FRMD5: variants seen among roughly 807,000 people sequenced by gnomAD.
The protein encoded by FRMD5 is FERM domain-containing protein 5.
In FRMD5, 20 loss-of-function variants were observed where a neutral mutation model predicts 69.0. The observed-to-expected ratio is 0.29, with a 90% CI of 0.20 to 0.42. The LOEUF is 0.42. FRMD5 is among the 10% of genes least tolerant of loss of function. The probability of loss-of-function intolerance (pLI) is 1.00; values close to 1 mark genes in which losing one functional copy is unlikely to be tolerated. For synonymous variants in FRMD5, 271 were observed against 260.1 expected, an observed-to-expected ratio of 1.04 and a Z score of -0.40; for missense variants, 595 against 708.6, an observed-to-expected ratio of 0.84 and a Z score of 1.82.
At chr15:43,977,538 G>A (rs1341236538) in intron 1 of FRMD5, among the ~76,000 whole-genome samples, 1 of 152,082 alleles carries the variant, frequency 6.6e-6, no homozygotes, top group East Asian at 1.9e-4. Flanking sequence ...GGTGGTCTGA[G>A]CAACTGAGGT....
chr15:44,188,759 G>C lies in FRMD5; in HGVS notation c.102+6194C>G, dbSNP rs117853102. 1.3e-3 allele frequency among the ~76,000 whole-genome samples: 205 copies of C among 152,184 alleles called. 2 individuals carry two copies. In the East Asian group the frequency reaches 0.016, roughly 12 times the overall value. On this transcript the variant is annotated intron_variant, in intron 1 of 13. Transcript: ENST00000417257. ...GTAAAATGACTCAAATGAGGCATAA[G>C]AATAGCTAGATTTGGTCCTGATTTT...
chr15:43,950,424 A>C (rs1014062728), intron 1 of FRMD5, among the ~76,000 whole-genome samples: 2 of 152,216 alleles, frequency 1.3e-5, no homozygotes, highest in Non-Finnish European at 2.9e-5. Flanking sequence ...CCATGCTTAA[A>C]CTACGATAGA....
intron 1 of FRMD5, among the ~76,000 whole-genome samples, chr15:44,098,558 C>T (rs1418026963): frequency 6.7e-6 from 1 of 149,008 alleles, no homozygotes; most frequent in African/African-American, 2.4e-5. Flanking sequence ...GAGACATAAG[C>T]AGAAAAGCAA....
At chr15:43,877,620 C>T (rs1192051503) in intron 13 of FRMD5, among the ~76,000 whole-genome samples, 2 of 152,252 alleles carry the variant, frequency 1.3e-5, no homozygotes, top group Admixed American at 6.5e-5. Context: ...TAGTTACGCT[C>T]CCCATTGCGT....
At chr15:44,195,832 C>T (rs1271358622), upstream of FRMD5, among the ~76,000 whole-genome samples, 2 of 152,232 alleles carry the variant, frequency 1.3e-5, no homozygotes, top group Non-Finnish European at 2.9e-5. Context: ...GCTAAAGGGA[C>T]CTCAGAGGTT....
chr15:44,136,740 T>G (rs1256577933), intron 1 of FRMD5, among the ~76,000 whole-genome samples: 1 of 152,194 alleles, frequency 6.6e-6, no homozygotes, highest in Non-Finnish European at 1.5e-5. Context: ...AGTTTTGCAA[T>G]GTTATGGTTG....
At chr15:44,028,311 T>C (rs1048653243) in intron 1 of FRMD5, among the ~76,000 whole-genome samples, 1 of 152,202 alleles carries the variant, frequency 6.6e-6, no homozygotes, top group Non-Finnish European at 1.5e-5. Flanking sequence ...GGATATAATG[T>C]AGGAAAAAGT....
intron 1 of FRMD5, among the ~76,000 whole-genome samples, chr15:44,016,182 T>G (rs1890948436): frequency 6.6e-6 from 1 of 152,162 alleles, no homozygotes; most frequent in Non-Finnish European, 1.5e-5. Context: ...AAACCCAGAA[T>G]GCTGACAAAA....
intron 8 of FRMD5, 63 bp from the exon 9 acceptor site, chr15:43,888,935 G>A (rs945090296): frequency 7.7e-6 from 11 of 1,430,920 alleles, no homozygotes; most frequent in Admixed American, 1.7e-5. Flanking sequence ...GCTAAATCTT[G>A]TAGATGCACA....
At chr15:44,182,681 T>C (rs1346191463) in intron 1 of FRMD5, among the ~76,000 whole-genome samples, 1 of 152,168 alleles carries the variant, frequency 6.6e-6, no homozygotes, top group Non-Finnish European at 1.5e-5. Flanking sequence ...TTCATACACA[T>C]CTACAATCAA....
At chr15:44,013,554 T>C (rs1047217621) in intron 1 of FRMD5, among the ~76,000 whole-genome samples, 6 of 152,216 alleles carry the variant, frequency 3.9e-5, no homozygotes, top group Non-Finnish European at 7.3e-5. Flanking sequence ...AGTCAACGAA[T>C]AAAGTGTAGG....
intron 1 of FRMD5, among the ~76,000 whole-genome samples, chr15:44,004,080 T>A (rs1486838739): frequency 6.6e-6 from 1 of 152,264 alleles, no homozygotes; most frequent in Non-Finnish European, 1.5e-5. Flanking sequence ...TGTAAAACAA[T>A]TTGATTTTTA....
At chr15:44,009,972 T>C (rs913985355) in intron 1 of FRMD5, among the ~76,000 whole-genome samples, 1 of 152,204 alleles carries the variant, frequency 6.6e-6, no homozygotes, top group Non-Finnish European at 1.5e-5. Flanking sequence ...CTGAGTATAT[T>C]AGACAGAGCA....
chr15:44,168,510 T>A (rs2077746974), intron 1 of FRMD5, among the ~76,000 whole-genome samples: 1 of 152,246 alleles, frequency 6.6e-6, no homozygotes, highest in African/African-American at 2.4e-5. Flanking sequence ...TAGCCAATTT[T>A]ATTTTGGGTG....
intron 1 of FRMD5, among the ~76,000 whole-genome samples, chr15:43,993,800 C>T (rs190478480): frequency 2.7e-4 from 41 of 152,284 alleles, no homozygotes; most frequent in Admixed American, 1.4e-3. Flanking sequence ...GTTATAGTCT[C>T]TTGATGAACT....
chr15:43,870,903 G>A lies in FRMD5; in HGVS notation c.*2982C>T, dbSNP rs2088144593. 6.6e-6 allele frequency: 1 copy of A among 152,132 alleles called. No individual in the cohort carries two copies. The allele number at this position is 152,132 out of a possible 1,614,324, so 9.4% of individuals were successfully genotyped here. A position where few individuals can be genotyped will look rare whatever the true frequency, so the allele number is the denominator to read the frequency against. ...CTTAAGAGTTTTTGGCACACAGAAG[G>A]TTAACAACTATATATTTTTAAATGT... On this transcript the variant is annotated 3_prime_UTR_variant, in exon 14 of 14. Coordinates refer to ENST00000417257, the MANE Select transcript of FRMD5 (RefSeq NM_032892.5).
intron 1 of FRMD5, among the ~76,000 whole-genome samples, chr15:44,145,108 A>G (rs1225704220): frequency 6.6e-6 from 1 of 152,174 alleles, no homozygotes; most frequent in Non-Finnish European, 1.5e-5. Flanking sequence ...ACAGCAGCCT[A>G]TTTCTCTGTT....
chr15:43,994,463 C>G (rs1889829545), intron 1 of FRMD5, among the ~76,000 whole-genome samples: 2 of 151,972 alleles, frequency 1.3e-5, no homozygotes, highest in African/African-American at 2.4e-5. Context: ...TTTTACTTTT[C>G]TGAGAGAAGG....
intron 1 of FRMD5, among the ~76,000 whole-genome samples, chr15:44,001,611 G>GTT (rs35453119): frequency 9.4e-5 from 13 of 138,106 alleles, no homozygotes; most frequent in African/African-American, 3.1e-4. Flanking sequence ...CAATTTTATT[G>GTT]TTTTTTTTTT....
Sources: gnomAD v4.1 joint callset for allele counts (sites outside exome capture counted in the v4.1 genomes callset) on GRCh38, gnomAD v4.1.1 for gene constraint, MANE v1.5 for transcripts, NCBI Gene and HGNC (gene_info 2026-07-23, HGNC 2026-07-21) for gene names.